CPEB2: variants seen among roughly 807,000 people sequenced by gnomAD.
The protein encoded by CPEB2 is cytoplasmic polyadenylation element binding protein 2.
Under a neutral mutation model 93.6 loss-of-function variants are expected in CPEB2, and 56 were observed. That is an observed-to-expected ratio of 0.60 (90% CI 0.48 to 0.75). The LOEUF is 0.75. Ranked by LOEUF, CPEB2 falls within the 30% of genes least tolerant of loss-of-function variation. The pLI is 0.00. For synonymous variants in CPEB2, 764 were observed against 586.3 expected (o/e 1.30, Z -4.38); for missense variants, 1,579 against 1,395.1 (o/e 1.13, Z -2.10).
Position 15,003,031 on chromosome 4 carries a change from G to A in CPEB2, c.358G>A (p.Asp120Asn), listed in dbSNP as rs7435318. ...GGCGGCGGCCACGGAGAAACTCCCC[G>A]ACCACCACCCCGGCGGCGGCACGAT... The part of the protein sequence containing the change: ...SGAAATEKLP[D>N]HHPGGGTIAG... The change falls in exon 1 of 12, where the codon GAC becomes AAC. Residue 120 changes from aspartate (D) to asparagine (N), a missense_variant. By Grantham distance (23) the Asp-to-Asn change is conservative (BLOSUM62 1). This residue lies in a region of CPEB2 where 1,411 missense variants were observed against 1,056.0 expected (regional missense o/e 1.34). Coordinates refer to ENST00000538197, the MANE Select transcript of CPEB2 (RefSeq NM_001177382.2). The A allele has an allele frequency of 0.67, 1,000,343 of 1,498,090 alleles. 338,688 individuals carry two copies. The highest frequency in any genetic ancestry group is 0.98 in the East Asian group (39,387 of 40,312). The allele number at this position is 1,498,090 out of a possible 1,614,324, so 92.8% of individuals were successfully genotyped here.
At chr4:15,061,121 T>C (rs1175762612) in intron 10 of CPEB2, among the ~76,000 whole-genome samples, 1 of 152,134 alleles carries the variant, frequency 6.6e-6, no homozygotes, top group Non-Finnish European at 1.5e-5. Flanking sequence ...GCCTGTTAAA[T>C]ATCGAGTTGT....
chr4:15,031,597 A>G lies in CPEB2; in HGVS notation c.2126-1564A>G, dbSNP rs141809862. Among the ~76,000 whole-genome samples, 764 of 152,328 alleles carry G rather than the reference A, an allele frequency of 5.0e-3. 7 individuals carry two copies. Among genetic ancestry groups the G allele is most frequent in the African/African-American group, 0.017 (713 of 41,570 alleles). ...ATTTAGTTAACTCATGTCATGCTGCATAAAATGCAGGAGTAAATAAGAGAT... is the reference window on the plus strand; with the variant it reads ...ATTTAGTTAACTCATGTCATGCTGCGTAAAATGCAGGAGTAAATAAGAGAT... On this transcript the variant is annotated intron_variant, in intron 4 of 11. Coordinates refer to ENST00000538197, the MANE Select transcript of CPEB2 (RefSeq NM_001177382.2).
chr4:15,005,320 C>T, intron 1 of CPEB2, among the ~76,000 whole-genome samples: 1 of 152,316 alleles, frequency 6.6e-6, no homozygotes. Flanking sequence ...ACTTTCGGTA[C>T]ATTTTTTGGT....
chr4:15,003,933 C>G lies in CPEB2; in HGVS notation c.1260C>G (p.Pro420=). The change falls in exon 1 of 12, where the codon CCC becomes CCG. Residue 420 remains proline (P), a synonymous_variant. Coordinates refer to ENST00000538197, the MANE Select transcript of CPEB2 (RefSeq NM_001177382.2). Reference sequence around the variant, plus strand: ...CGCCCCAGCCGCAGCCGCAGCCGCCCGGCTCGTCTGCCACCACCCCGGGCG... The same window carrying G: ...CGCCCCAGCCGCAGCCGCAGCCGCCGGGCTCGTCTGCCACCACCCCGGGCG... ...QQPPQPQPQP[P]GSSATTPGGG... The G allele has an allele frequency of 8.8e-7, 1 of 1,136,578 alleles. No individual in the cohort carries two copies. Among genetic ancestry groups the G allele is most frequent in the Non-Finnish European group, 1.1e-6 (1 of 880,750 alleles). The allele number at this position is 1,136,578 out of a possible 1,614,324, so 70.4% of individuals were successfully genotyped here.
chr4:15,003,995 C>A lies in CPEB2; in HGVS notation c.1322C>A (p.Pro441His). Residue 441 changes from proline (P) to histidine (H), a missense_variant, in exon 1 of 12, where the codon CCC becomes CAC. By Grantham distance (77) the Pro-to-His change is moderately conservative. Transcript: ENST00000538197. ...GGCTCGCTCAGCGCCATGCCGCCGCCCAGCCCCGACTCAGAGAACGGCTTC... is the reference window on the plus strand; with the variant it reads ...GGCTCGCTCAGCGCCATGCCGCCGCACAGCCCCGACTCAGAGAACGGCTTC... The part of the protein sequence containing the change: ...SGGSLSAMPP[P>H]SPDSENGFYP... The A allele has an allele frequency of 6.5e-7, 1 of 1,536,014 alleles. No individual in the cohort carries two copies. The highest frequency in any genetic ancestry group is 8.7e-7 in the Non-Finnish European group (1 of 1,144,430).
chr4:15,045,757 AAC>A (rs1256243080), intron 6 of CPEB2, among the ~76,000 whole-genome samples: 1 of 152,180 alleles, frequency 6.6e-6, no homozygotes, highest in African/African-American at 2.4e-5. Context: ...TGAAATAAAA[AAC>A]ACATCTAACT....
At chr4:15,025,157 C>T (rs1363108046) in intron 4 of CPEB2, among the ~76,000 whole-genome samples, 1 of 151,976 alleles carries the variant, frequency 6.6e-6, no homozygotes, top group African/African-American at 2.4e-5. Context: ...TCTTGTTTTG[C>T]ATTTCAAGAG....
chr4:15,016,875 A>G (rs568237544), intron 3 of CPEB2, among the ~76,000 whole-genome samples: 2 of 152,132 alleles, frequency 1.3e-5, no homozygotes, highest in African/African-American at 2.4e-5. Flanking sequence ...TTCTGTGTGT[A>G]TAAGATTTCA....
Position 15,062,277 on chromosome 4 carries a change from G to A in CPEB2, c.2877+17G>A, listed in dbSNP as rs1729259265. 2 of 1,590,102 alleles carry A rather than the reference G, an allele frequency of 1.3e-6. No homozygotes were observed. The highest frequency in any genetic ancestry group is 1.7e-6 in the Non-Finnish European group (2 of 1,163,682). ...GATAAACGTGTAAGTTGCATATTGG[G>A]AAATCACTTATGTCCTATAATAAGG... On this transcript the variant is annotated intron_variant, in intron 11 of 11. Transcript: ENST00000538197.
At chr4:15,053,904 T>C (rs1239501710) in intron 7 of CPEB2, among the ~76,000 whole-genome samples, 2 of 152,320 alleles carry the variant, frequency 1.3e-5, no homozygotes, top group East Asian at 3.9e-4. Context: ...AATTGAGTAT[T>C]CTAACCAATG....
Position 15,003,332 on chromosome 4 carries a change from A to C in CPEB2, c.659A>C (p.Gln220Pro). 7.1e-7 allele frequency: 1 copy of C among 1,404,212 alleles called. No individual in the cohort carries two copies. Among genetic ancestry groups the C allele is most frequent in the Non-Finnish European group, 9.1e-7 (1 of 1,093,190 alleles). The allele number at this position is 1,404,212 out of a possible 1,614,324, so 87.0% of individuals were successfully genotyped here. ...PPPPPAGPLL[Q>P]PAQLAQRQQQ... ...CCGCCGCCAGCCGGCCCGCTCCTCCAGCCGGCGCAGCTCGCTCAGCGCCAG... is the reference window on the plus strand; with the variant it reads ...CCGCCGCCAGCCGGCCCGCTCCTCCCGCCGGCGCAGCTCGCTCAGCGCCAG... The change falls in exon 1 of 12, where the codon CAG (glutamine) becomes CCG (proline). Residue 220 changes from glutamine (Q) to proline (P), a missense_variant. Transcript: ENST00000538197.
At chr4:15,038,658 A>G (rs1726879320) in intron 5 of CPEB2, among the ~76,000 whole-genome samples, 1 of 146,668 alleles carries the variant, frequency 6.8e-6, no homozygotes, top group Admixed American at 7.0e-5. Flanking sequence ...GCGCTATCTC[A>G]TCTACCTGCA....
Position 15,037,745 on chromosome 4 carries a change from T to C in CPEB2, c.2177-2719T>C, listed in dbSNP as rs533959807. On this transcript the variant is annotated intron_variant, in intron 5 of 11. Transcript: ENST00000538197. ...TATACACATCAACAGGTATGTTAAA[T>C]AGCTCCTCATGTTGTTTTTACAACA... Among the ~76,000 whole-genome samples, 25 of 152,322 alleles carry C rather than the reference T, an allele frequency of 1.6e-4. 1 individual carries two copies. The highest frequency in any genetic ancestry group is 6.0e-4 in the African/African-American group (25 of 41,572).
intron 3 of CPEB2, among the ~76,000 whole-genome samples, chr4:15,008,948 CCTGA>C (rs1477896791): frequency 6.6e-6 from 1 of 152,014 alleles, no homozygotes; most frequent in Non-Finnish European, 1.5e-5. Context: ...GCTTTTATAC[CCTGA>C]CTTATTCCAA....
chr4:15,012,960 A>G (rs1723681793), intron 3 of CPEB2, among the ~76,000 whole-genome samples: 1 of 152,044 alleles, frequency 6.6e-6, no homozygotes, highest in African/African-American at 2.4e-5. Context: ...ATATCTCTTC[A>G]AAAAGTTCTC....
chr4:15,037,641 G>T (rs937755706), intron 5 of CPEB2, among the ~76,000 whole-genome samples: 5 of 152,054 alleles, frequency 3.3e-5, no homozygotes, highest in African/African-American at 1.2e-4. Context: ...TTGTCTTCAG[G>T]CTTTTCTCAA....
At chr4:15,055,481 T>C (rs932519884) in intron 8 of CPEB2, among the ~76,000 whole-genome samples, 2 of 152,206 alleles carry the variant, frequency 1.3e-5, no homozygotes, top group East Asian at 1.9e-4. Context: ...GCCATTTTTA[T>C]TGAATACTCA....
intron 6 of CPEB2, among the ~76,000 whole-genome samples, chr4:15,051,269 T>C (rs1728196117): frequency 6.6e-6 from 1 of 152,208 alleles, no homozygotes; most frequent in Admixed American, 6.5e-5. Flanking sequence ...ATCTAGTTTA[T>C]TATCTTCACC....
chr4:15,068,212 T>C lies in CPEB2; in HGVS notation c.*1832T>C, dbSNP rs751129475. Reference sequence around the variant, plus strand: ...GCAAAGTGTTGATCTTAATATTGGTTGTCTGTGGTGTGCTTTTTTGTACTG... The same window carrying C: ...GCAAAGTGTTGATCTTAATATTGGTCGTCTGTGGTGTGCTTTTTTGTACTG... On this transcript the variant is annotated 3_prime_UTR_variant, in exon 12 of 12. Coordinates refer to ENST00000538197, the MANE Select transcript of CPEB2 (RefSeq NM_001177382.2). 1 of 152,306 alleles carries C rather than the reference T, an allele frequency of 6.6e-6. No individual in the cohort carries two copies. Among genetic ancestry groups the C allele is most frequent in the Non-Finnish European group, 1.5e-5 (1 of 67,870 alleles). The allele number at this position is 152,306 out of a possible 1,614,324, so 9.4% of individuals were successfully genotyped here. A position where few individuals can be genotyped will look rare whatever the true frequency, so the allele number is the denominator to read the frequency against.
Sources: gnomAD v4.1 joint callset for allele counts (sites outside exome capture counted in the v4.1 genomes callset) on GRCh38, gnomAD v4.1.1 for gene constraint, gnomAD v4.1.1 regional missense constraint, MANE v1.5 for transcripts, NCBI Gene and HGNC (gene_info 2026-07-23, HGNC 2026-07-21) for gene names.